The following TTC29 variants were observed in gnomAD, a reference collection of about 807,000 sequenced individuals.
TTC29 encodes the protein tetratricopeptide repeat domain 29, also known as tetratricopeptide repeat protein 29.
A neutral mutation model predicts 58.1 loss-of-function variants in TTC29; 49 were observed. The ratio of observed to expected loss-of-function variants is 0.84; its 90% confidence interval spans 0.67 to 1.07. The LOEUF (loss-of-function observed/expected upper bound fraction) is 1.07. TTC29 is among the 50% of genes least tolerant of loss of function. The pLI is 0.00. For missense variants in TTC29, 582 were observed against 555.6 expected (o/e 1.05, Z -0.48); for synonymous variants, 209 against 196.8 (o/e 1.06, Z -0.52).
chr4:146,753,534 C>T (rs1017752909), intron 11 of TTC29, among the ~76,000 whole-genome samples: 2 of 152,298 alleles, frequency 1.3e-5, no homozygotes, highest in South Asian at 2.1e-4. Context: ...CCATTTGACC[C>T]AGCCATCCTA....
chr4:146,804,148 A>C (rs1216040416), intron 10 of TTC29, among the ~76,000 whole-genome samples: 2 of 152,252 alleles, frequency 1.3e-5, no homozygotes, highest in Admixed American at 1.3e-4. Context: ...CAAGGGGTTG[A>C]GGAATTCCCT....
At chr4:146,771,367 A>G (rs1343455953) in intron 11 of TTC29, among the ~76,000 whole-genome samples, 1 of 152,048 alleles carries the variant, frequency 6.6e-6, no homozygotes, top group African/African-American at 2.4e-5. Flanking sequence ...CCAGGTAATA[A>G]GCATAGTATC....
intron 11 of TTC29, among the ~76,000 whole-genome samples, chr4:146,712,642 G>T (rs1015353952): frequency 2.0e-5 from 3 of 152,066 alleles, no homozygotes; most frequent in Non-Finnish European, 4.4e-5. Flanking sequence ...AGATGAGTGG[G>T]TATCAGTCAG....
intron 8 of TTC29, among the ~76,000 whole-genome samples, chr4:146,838,290 A>G (rs1728639949): frequency 6.6e-6 from 1 of 152,104 alleles, no homozygotes; most frequent in Admixed American, 6.6e-5. Context: ...GATATGCTAC[A>G]GATTCTTTGA....
In TTC29 at chr4:146,819,993, C is replaced by A; in HGVS notation, c.1101+132G>T. On this transcript the variant is annotated intron_variant, in intron 10 of 12. Coordinates refer to ENST00000325106, the MANE Select transcript of TTC29 (RefSeq NM_031956.4). ...TCCTTGCCATGGACATTAACTACAC[C>A]CTGCAGTCCAGGGCCATTCTGCATA... 3.4e-6 allele frequency: 4 copies of A among 1,177,368 alleles called. No individual in the cohort carries two copies. In the South Asian group the frequency reaches 5.3e-5, roughly 16 times the overall value. 72.9% of individuals were successfully genotyped at this position (1,177,368 alleles called of 1,614,324 possible). A position where few individuals can be genotyped will look rare whatever the true frequency, so the allele number is the denominator to read the frequency against.
intron 9 of TTC29, among the ~76,000 whole-genome samples, chr4:146,827,328 G>T (rs1006701080): frequency 6.6e-6 from 1 of 152,172 alleles, no homozygotes; most frequent in Non-Finnish European, 1.5e-5. Context: ...TCTGATGGGA[G>T]CCCCAGCTTC....
intron 6 of TTC29, among the ~76,000 whole-genome samples, chr4:146,880,668 CT>C (rs552928856): frequency 6.6e-6 from 1 of 151,874 alleles, no homozygotes; most frequent in African/African-American, 2.4e-5. Context: ...CCCATTTTAG[CT>C]TTTTTTTAAA....
chr4:146,871,664 A>G (rs1370293919), intron 7 of TTC29, among the ~76,000 whole-genome samples: 1 of 152,012 alleles, frequency 6.6e-6, no homozygotes, highest in Non-Finnish European at 1.5e-5. Flanking sequence ...TTACAATAGC[A>G]TCAAAAGAAT....
intron 11 of TTC29, among the ~76,000 whole-genome samples, chr4:146,742,619 C>G (rs201393657): frequency 9.7e-6 from 1 of 102,898 alleles, no homozygotes; most frequent in Non-Finnish European, 2.1e-5. Flanking sequence ...TCCTTCCCTC[C>G]CTTCCTTCCT....
chr4:146,875,015 A>G, intron 6 of TTC29, 87 bp from the exon 7 acceptor site: 3 of 975,952 alleles, frequency 3.1e-6, no homozygotes, highest in Non-Finnish European at 4.7e-6. Context: ...TTTATTATTC[A>G]ATGGAGAAAC....
chr4:146,820,002 C>G (rs1176062444), intron 10 of TTC29, 123 bp downstream of exon 10: 1 of 1,306,802 alleles, frequency 7.7e-7, no homozygotes, highest in Admixed American at 1.9e-5. Context: ...CCCTGCAGTC[C>G]AGGGCCATTC....
chr4:146,755,004 C>G (rs1457445238), intron 11 of TTC29, among the ~76,000 whole-genome samples: 1 of 151,896 alleles, frequency 6.6e-6, no homozygotes, highest in Non-Finnish European at 1.5e-5. Context: ...GAAAAACCCA[C>G]AAAAGAATGG....
At chr4:146,903,272 GA>G (rs1733278248) in intron 6 of TTC29, among the ~76,000 whole-genome samples, 2 of 152,204 alleles carry the variant, frequency 1.3e-5, no homozygotes, top group East Asian at 3.9e-4. Flanking sequence ...GGGTTGGGGA[GA>G]ATGCTTTCTC....
At chr4:146,849,087 G>C (rs1312795847) in intron 8 of TTC29, among the ~76,000 whole-genome samples, 1 of 152,100 alleles carries the variant, frequency 6.6e-6, no homozygotes, top group Non-Finnish European at 1.5e-5. Flanking sequence ...TGAGTCAGCA[G>C]TCTCACCCTT....
Position 146,869,113 on chromosome 4 carries a change from A to AC in TTC29, c.800-1531_800-1530insG, listed in dbSNP as rs1187073245. On this transcript the variant is annotated intron_variant, in intron 7 of 12. Coordinates refer to ENST00000325106, the MANE Select transcript of TTC29 (RefSeq NM_031956.4). ...AGCTTTAAGTAAAAAAAAAAAAAAA[A>AC]AAAAAACCTCTTTTCTTTATAAATT... Among the ~76,000 whole-genome samples the AC allele has an allele frequency of 2.9e-3, 433 of 151,700 alleles. 2 individuals carry two copies. Among genetic ancestry groups the AC allele is most frequent in the Middle Eastern group, 0.01 (3 of 294 alleles).
rs1210947537 is a variant in TTC29, at chr4:146,715,119, T to A, written c.1331-7568A>T. ...TCCCAAAGTGTTGGGATGACAGGCA[T>A]GAGCTAACATGCCTGGCCTATAAGA... On this transcript the variant is annotated intron_variant, in intron 11 of 12. Coordinates refer to ENST00000325106, the MANE Select transcript of TTC29 (RefSeq NM_031956.4). Among the ~76,000 whole-genome samples the A allele has an allele frequency of 3.9e-5, 6 of 152,090 alleles. No individual in the cohort carries two copies. In the East Asian group the frequency reaches 1.2e-3, roughly 29 times the overall value.
At chr4:146,764,067 A>G (rs1747107748) in intron 11 of TTC29, 1 of 152,098 alleles carries the variant, frequency 6.6e-6, no homozygotes, top group Admixed American at 6.6e-5. Flanking sequence ...CACAACATGG[A>G]GGATATACCC....
chr4:146,895,292 T>C (rs990714188), intron 6 of TTC29, among the ~76,000 whole-genome samples: 14 of 152,196 alleles, frequency 9.2e-5, no homozygotes, highest in African/African-American at 3.1e-4. Context: ...AATGCAGGAC[T>C]GAACCAGGGA....
chr4:146,708,195 T>G (rs1742129528), intron 11 of TTC29, among the ~76,000 whole-genome samples: 1 of 151,656 alleles, frequency 6.6e-6, no homozygotes, highest in South Asian at 2.1e-4. Flanking sequence ...AAATGGCTAC[T>G]GAAAAGGCCA....
Sources: gnomAD v4.1 joint callset for allele counts (sites outside exome capture counted in the v4.1 genomes callset) on GRCh38, gnomAD v4.1.1 for gene constraint, MANE v1.5 for transcripts, NCBI Gene and HGNC (gene_info 2026-07-23, HGNC 2026-07-21) for gene names.